Variants in ANAPC11 observed in about 807,000 individuals in gnomAD.
The protein encoded by ANAPC11 is anaphase-promoting complex subunit 11.
ANAPC11 carries 5 observed loss-of-function variants against 11.8 expected under a neutral mutation model. That is an observed-to-expected ratio of 0.42 (90% confidence interval 0.22 to 0.89). The LOEUF (loss-of-function observed/expected upper bound fraction) is 0.89. Ranked by LOEUF, ANAPC11 falls within the 40% of genes least tolerant of loss-of-function variation. The pLI is 0.28. For synonymous variants in ANAPC11, 45 were observed against 41.0 expected, an observed-to-expected ratio of 1.10 and a Z score of -0.38; for missense variants, 68 against 112.9, an observed-to-expected ratio of 0.60 and a Z score of 1.80.
upstream of ANAPC11, chr17:81,891,179 G>A (rs1269921766): frequency 8.5e-6 from 1 of 117,600 alleles, no homozygotes; most frequent in Non-Finnish European, 1.5e-5. Flanking sequence ...CCCCCTCCGC[G>A]CCCACACGCA....
At chr17:81,895,157 C>T (rs1016208481) in intron 3 of ANAPC11, among the ~76,000 whole-genome samples, 3 of 148,494 alleles carry the variant, frequency 2.0e-5, no homozygotes, top group African/African-American at 7.6e-5. Context: ...TGGGCTCAAG[C>T]GATTCTCCTG....
Position 81,900,142 on chromosome 17 carries a change from C to A in ANAPC11, c.*77C>A, listed in dbSNP as rs369752078. 3.4e-5 allele frequency: 54 copies of A among 1,580,794 alleles called. No individual in the cohort carries two copies. The African/African-American group carries it at 6.7e-4, about 20-fold the overall frequency. ...TGGCGCCGATGGCTGCTGGGGACAG[C>A]GCCCCTGAGCTGCAACAAGGTGGAA... On this transcript the variant is annotated 3_prime_UTR_variant, in exon 4 of 4. Transcript: ENST00000344877.
intron 3 of ANAPC11, chr17:81,899,676 C>A: frequency 1.7e-6 from 2 of 1,145,054 alleles, no homozygotes; most frequent in Non-Finnish European, 1.2e-6. Flanking sequence ...GAGGCGCCTG[C>A]TGCGGTTGCC....
In ANAPC11 at chr17:81,894,458, C is replaced by G. The variant is rs139322064; in HGVS notation, c.-11-9C>G. ...AATTTAGCCAGTCGTCCTGTTCCCT[C>G]CGCCGCAGGCTCTGCTGCCATGAAG... On this transcript the variant is annotated splice_polypyrimidine_tract_variant and intron_variant, in intron 2 of 3. Transcript: ENST00000344877. 7.6e-6 allele frequency: 12 copies of G among 1,574,900 alleles called. No homozygotes were observed. Among genetic ancestry groups the G allele is most frequent in the Non-Finnish European group, 1.0e-5 (12 of 1,145,892 alleles).
intron 3 of ANAPC11, among the ~76,000 whole-genome samples, chr17:81,897,764 G>A (rs937774766): frequency 1.3e-5 from 2 of 152,086 alleles, no homozygotes; most frequent in Admixed American, 1.3e-4. Flanking sequence ...GATTACAGAC[G>A]TGAGCCACCA....
chr17:81,894,617 C>A, intron 3 of ANAPC11, 31 bp downstream of exon 3: 1 of 1,514,800 alleles, frequency 6.6e-7, no homozygotes, highest in Non-Finnish European at 9.1e-7. Context: ...GTCTGAGCGG[C>A]CCCGACTGTG....
chr17:81,899,366 C>T, intron 3 of ANAPC11: 1 of 1,613,904 alleles, frequency 6.2e-7, no homozygotes, highest in Non-Finnish European at 8.5e-7. Context: ...CTGGGCAGCA[C>T]ACCGGATCCC....
chr17:81,891,381 GC>G, upstream of ANAPC11: 2 of 1,131,820 alleles, frequency 1.8e-6, no homozygotes, highest in Non-Finnish European at 2.2e-6. Flanking sequence ...GCGGGCGATG[GC>G]CGGCCGGTTC....
downstream of ANAPC11, chr17:81,900,314 A>G (rs545495187): frequency 5.5e-4 from 320 of 578,248 alleles, 3 homozygotes; most frequent in South Asian, 6.9e-3. Context: ...GTGTGTTTTG[A>G]TATGAAAACT....
At chr17:81,892,296 G>A (rs373922125) in intron 1 of ANAPC11, among the ~76,000 whole-genome samples, 113 of 151,674 alleles carry the variant, frequency 7.5e-4, no homozygotes, top group African/African-American at 2.7e-3. Flanking sequence ...AACATCGTGA[G>A]ACCCCCATCT....
At chr17:81,895,945 C>CA (rs559544702) in intron 3 of ANAPC11, among the ~76,000 whole-genome samples, 1 of 151,604 alleles carries the variant, frequency 6.6e-6, no homozygotes, top group Non-Finnish European at 1.5e-5. Flanking sequence ...AAAAAACAAA[C>CA]AAAAAAAAGA....
At chr17:81,891,235 C>T, upstream of ANAPC11, 4 of 1,052,004 alleles carry the variant, frequency 3.8e-6, no homozygotes, top group Non-Finnish European at 4.6e-6. Flanking sequence ...TATCCACCCG[C>T]CGGCCCGGGT....
rs879899823 is a variant in ANAPC11 at position 81,891,768 on chromosome 17, G to A, written c.-148G>A. The A allele has an allele frequency of 5.3e-5, 19 of 358,102 alleles. No individual in the cohort carries two copies. The highest frequency in any genetic ancestry group is 2.9e-4 in the African/African-American group (13 of 44,746). The allele number at this position is 358,102 out of a possible 1,614,324, so 22.2% of individuals were successfully genotyped here. A position where few individuals can be genotyped will look rare whatever the true frequency, so the allele number is the denominator to read the frequency against. On this transcript the variant is annotated 5_prime_UTR_variant, in exon 1 of 4. Coordinates refer to ENST00000344877, the MANE Select transcript of ANAPC11 (RefSeq NM_001002248.3). ...CTCGGCGGGCGCTGTTGAGGGAGTC[G>A]GGCCGCGACTGTGGTCGTTTTTATA...
At chr17:81,897,658 A>G (rs1567870676) in intron 3 of ANAPC11, among the ~76,000 whole-genome samples, 1 of 151,704 alleles carries the variant, frequency 6.6e-6, no homozygotes, top group Non-Finnish European at 1.5e-5. Flanking sequence ...TTATTTTTTT[A>G]TTTTTTGTAG....
intron 3 of ANAPC11, among the ~76,000 whole-genome samples, chr17:81,896,584 G>A (rs1431148170): frequency 6.6e-6 from 1 of 152,106 alleles, no homozygotes; most frequent in Admixed American, 6.6e-5. Context: ...AGAGGACAGT[G>A]GGGAATGGAG....
At chr17:81,892,524 A>ATTTTT (rs201667030) in intron 1 of ANAPC11, among the ~76,000 whole-genome samples, 12 of 128,530 alleles carry the variant, frequency 9.3e-5, no homozygotes, top group African/African-American at 3.6e-4. Flanking sequence ...CATTTCATTG[A>ATTTTT]TTTTTTTTTT....
upstream of ANAPC11, chr17:81,891,456 T>A (rs2039527997): frequency 1.9e-6 from 2 of 1,048,120 alleles, no homozygotes; most frequent in Non-Finnish European, 1.1e-6. Flanking sequence ...GCGGCCGCCC[T>A]GGGAGCCGGC....
At chr17:81,894,384 G>C in intron 2 of ANAPC11, 83 bp from the exon 3 acceptor site, 1 of 729,728 alleles carries the variant, frequency 1.4e-6, no homozygotes, top group Non-Finnish European at 2.3e-6. Context: ...CTGCACTGTG[G>C]CAGGCTTATA....
chr17:81,895,331 G>A (rs1022376757), intron 3 of ANAPC11, among the ~76,000 whole-genome samples: 13 of 152,118 alleles, frequency 8.5e-5, no homozygotes, highest in African/African-American at 2.9e-4. Flanking sequence ...GATTACAGGC[G>A]CGAACCACCG....
Sources: gnomAD v4.1 joint callset for allele counts (sites outside exome capture counted in the v4.1 genomes callset) on GRCh38, gnomAD v4.1.1 for gene constraint, MANE v1.5 for transcripts, NCBI Gene and HGNC (gene_info 2026-07-23, HGNC 2026-07-21) for gene names.